NCK1: variants seen among roughly 807,000 people sequenced by gnomAD.
NCK1 encodes NCK adaptor protein 1.
A neutral mutation model predicts 36.6 loss-of-function variants in NCK1; 19 were observed. The observed-to-expected ratio is 0.52, with a 90% confidence interval of 0.36 to 0.76. The LOEUF (loss-of-function observed/expected upper bound fraction) is 0.76, where lower values mean the gene tolerates loss of function less well. Among genes scored for constraint, NCK1 ranks in the 30% least tolerant of loss-of-function variants. NCK1 has a pLI of 0.00. For synonymous variants in NCK1, 165 were observed against 156.0 expected (o/e 1.06, Z -0.43); for missense variants, 358 against 445.6 (o/e 0.80, Z 1.77).
chr3:136,879,402 T>C lies in NCK1; in HGVS notation c.-19+17049T>C, dbSNP rs1362873144. ...GGTATCCTGGAAAAATGAAAGAAAA[T>C]AGATATACGCTTTCAATTAAAGCCT... On this transcript the variant is annotated intron_variant, in intron 1 of 3. Transcript: ENST00000481752. Among the ~76,000 whole-genome samples the C allele has an allele frequency of 5.9e-5, 9 of 152,010 alleles. No individual in the cohort carries two copies. The East Asian group carries it at 1.5e-3, about 26-fold the overall frequency.
chr3:136,885,122 C>T (rs759457674), intron 1 of NCK1, among the ~76,000 whole-genome samples: 3 of 151,904 alleles, frequency 2.0e-5, no homozygotes, highest in Non-Finnish European at 2.9e-5. Context: ...AGGTATACAC[C>T]GAAATATTTA....
In NCK1 at chr3:136,892,967, C is replaced by T. The variant is rs1005640482; in HGVS notation, c.-19+30614C>T. On this transcript the variant is annotated intron_variant, in intron 1 of 3. Coordinates refer to ENST00000481752, the MANE Select transcript of NCK1 (RefSeq NM_001291999.2). The stretch of plus-strand genomic sequence containing the variant: ...TAGTCTTTTATCCCTCACGCCACCA[C>T]CCTTATCATTCATATGCTTTTGCGT... Among the ~76,000 whole-genome samples the T allele has an allele frequency of 4.6e-5, 7 of 151,784 alleles. No individual in the cohort carries two copies. In the South Asian group the frequency reaches 1.5e-3, roughly 32 times the overall value.
chr3:136,943,939 G>C (rs1366353328), intron 2 of NCK1, among the ~76,000 whole-genome samples: 9 of 151,984 alleles, frequency 5.9e-5, no homozygotes, highest in Admixed American at 5.9e-4. Flanking sequence ...GTTTGAGAAG[G>C]CTGAGGACTT....
intron 3 of NCK1, among the ~76,000 whole-genome samples, chr3:136,946,740 A>T (rs966748161): frequency 6.6e-6 from 1 of 152,208 alleles, no homozygotes; most frequent in Non-Finnish European, 1.5e-5. Flanking sequence ...AAAAATTGAT[A>T]TTAAGTTTCT....
chr3:136,941,980 A>G (rs1435133910), intron 2 of NCK1, among the ~76,000 whole-genome samples: 1 of 152,138 alleles, frequency 6.6e-6, no homozygotes, highest in Admixed American at 6.5e-5. Context: ...CTGGGACTAC[A>G]AGCGTGTGCC....
chr3:136,890,408 G>T (rs771476014), intron 1 of NCK1, among the ~76,000 whole-genome samples: 4 of 152,196 alleles, frequency 2.6e-5, no homozygotes, highest in African/African-American at 4.8e-5. Flanking sequence ...CAAGCTGAGG[G>T]AGCAGGCTCT....
At chr3:136,920,241 TTTC>T (rs1053509785) in intron 1 of NCK1, among the ~76,000 whole-genome samples, 16 of 152,274 alleles carry the variant, frequency 1.1e-4, no homozygotes, top group Admixed American at 7.8e-4. Context: ...AAATTAAGTT[TTTC>T]TTCTTTTTTT....
chr3:136,899,559 T>C, intron 1 of NCK1: 1 of 570,970 alleles, frequency 1.8e-6, no homozygotes, highest in Admixed American at 2.4e-5. Flanking sequence ...ATTAGCACTA[T>C]TGCCATCACT....
chr3:136,923,516 C>A (rs545238207), intron 1 of NCK1, among the ~76,000 whole-genome samples: 1 of 151,942 alleles, frequency 6.6e-6, no homozygotes, highest in African/African-American at 2.4e-5. Flanking sequence ...GGTCGCTCCA[C>A]TGCACTCCAG....
chr3:136,937,838 T>C (rs1940572351), intron 2 of NCK1, among the ~76,000 whole-genome samples: 1 of 152,190 alleles, frequency 6.6e-6, no homozygotes, highest in African/African-American at 2.4e-5. Flanking sequence ...TGTGGGTGTG[T>C]GTGTATTCTT....
At chr3:136,915,291 T>TG (rs934464491) in intron 1 of NCK1, among the ~76,000 whole-genome samples, 2 of 152,166 alleles carry the variant, frequency 1.3e-5, no homozygotes, top group Non-Finnish European at 2.9e-5. Flanking sequence ...ATTTGGTCTG[T>TG]GGGGGGTTGA....
intron 1 of NCK1, among the ~76,000 whole-genome samples, chr3:136,868,756 T>C (rs1938521060): frequency 6.6e-6 from 1 of 152,218 alleles, no homozygotes; most frequent in African/African-American, 2.4e-5. Flanking sequence ...TGAATGTGGA[T>C]ACAGAACAAT....
intron 2 of NCK1, chr3:136,930,708 A>G (rs1439333391): frequency 4.8e-6 from 4 of 838,250 alleles, no homozygotes; most frequent in Non-Finnish European, 1.6e-6. Flanking sequence ...AAGCTACTAC[A>G]TTATGTGTAT....
chr3:136,917,153 C>T (rs1426757933), intron 1 of NCK1, among the ~76,000 whole-genome samples: 10 of 151,808 alleles, frequency 6.6e-5, no homozygotes, highest in African/African-American at 1.9e-4. Flanking sequence ...GCTTGTCCAT[C>T]CTATGGGCTG....
At chr3:136,922,728 T>C (rs573922083) in intron 1 of NCK1, among the ~76,000 whole-genome samples, 1 of 152,338 alleles carries the variant, frequency 6.6e-6, no homozygotes, top group African/African-American at 2.4e-5. Context: ...TGATATATTG[T>C]TAGGAGTTTT....
chr3:136,948,532 G>A lies in NCK1; in HGVS notation c.*79G>A, dbSNP rs539401998. On this transcript the variant is annotated 3_prime_UTR_variant, in exon 4 of 4. Coordinates refer to ENST00000481752, the MANE Select transcript of NCK1 (RefSeq NM_001291999.2). Reference sequence around the variant, plus strand: ...GACTGAGAAAATGTTGGGTCCAGTCGTGCTTGATTGGAAATTGTTGTTTCT... The same window carrying A: ...GACTGAGAAAATGTTGGGTCCAGTCATGCTTGATTGGAAATTGTTGTTTCT... 55 of 1,232,040 alleles carry A rather than the reference G, an allele frequency of 4.5e-5. 1 individual carries two copies. In the South Asian group the frequency reaches 5.1e-4, roughly 11 times the overall value. The allele number at this position is 1,232,040 out of a possible 1,614,324, so 76.3% of individuals were successfully genotyped here.
At chr3:136,909,945 C>T (rs1446259530) in intron 1 of NCK1, among the ~76,000 whole-genome samples, 4 of 152,156 alleles carry the variant, frequency 2.6e-5, no homozygotes, top group Non-Finnish European at 5.9e-5. Flanking sequence ...CCTCCTTACA[C>T]GTTTTACCTA....
At chr3:136,930,470 G>A (rs1940362591) in intron 2 of NCK1, 4 of 1,283,240 alleles carry the variant, frequency 3.1e-6, no homozygotes, top group Non-Finnish European at 4.0e-6. Flanking sequence ...GGTGTGGGAA[G>A]TTTCAGTGTT....
chr3:136,888,514 T>G (rs978397490), intron 1 of NCK1, among the ~76,000 whole-genome samples: 2 of 152,090 alleles, frequency 1.3e-5, no homozygotes, highest in African/African-American at 4.8e-5. Flanking sequence ...GTGATTCTCC[T>G]GCCTCAGCCT....
Sources: allele counts gnomAD v4.1 joint callset (sites outside exome capture counted in the v4.1 genomes callset), GRCh38; gene constraint gnomAD v4.1.1; transcripts MANE v1.5; gene names NCBI Gene and HGNC (gene_info 2026-07-23, HGNC 2026-07-21).